The following NCOA2 variants were observed in gnomAD, a reference collection of about 807,000 sequenced individuals.
The protein encoded by NCOA2 is class E basic helix-loop-helix protein 75.
A neutral mutation model predicts 145.1 loss-of-function variants in NCOA2; 21 were observed. The ratio of observed to expected loss-of-function variants is 0.14; its 90% CI spans 0.10 to 0.21. The LOEUF is 0.21. Among genes scored for constraint, NCOA2 ranks in the 10% least tolerant of loss-of-function variants. NCOA2 has a pLI of 1.00. For synonymous variants in NCOA2, 619 were observed against 637.5 expected (o/e 0.97, Z 0.44); for missense variants, 1,472 against 1,837.6 (o/e 0.80, Z 3.64).
intron 22 of NCOA2, 136 bp downstream of exon 22, chr8:70,121,166 T>C: frequency 1.5e-6 from 1 of 689,338 alleles, no homozygotes; most frequent in South Asian, 1.8e-5. Context: ...AAGCACTGTA[T>C]GCCAGATGAA....
chr8:70,323,195 A>G (rs1806234182), intron 1 of NCOA2, among the ~76,000 whole-genome samples: 3 of 152,220 alleles, frequency 2.0e-5, no homozygotes, highest in Admixed American at 2.0e-4. Context: ...ATGTTCTAAA[A>G]AGTTGCATTC....
At position 70,113,326 on chromosome 8, in the gene NCOA2, CATGGGTATG is replaced by C; in HGVS notation, c.*297_*305del. ...ATACATTTAAATACATTCAATCTGA[CATGGGTATG>C]AAATTTGCCTGTCAACATTTACTTT... On this transcript the variant is annotated 3_prime_UTR_variant, in exon 23 of 23. Transcript: ENST00000452400. The C allele has an allele frequency of 2.0e-6, 1 of 487,952 alleles. No individual in the cohort carries two copies. Among genetic ancestry groups the C allele is most frequent in the Non-Finnish European group, 3.7e-6 (1 of 272,058 alleles). 30.2% of individuals were successfully genotyped at this position (487,952 alleles called of 1,614,324 possible).
chr8:70,118,303 T>A (rs975933234), intron 22 of NCOA2, among the ~76,000 whole-genome samples: 5 of 152,214 alleles, frequency 3.3e-5, no homozygotes, highest in Non-Finnish European at 7.3e-5. Context: ...CAATTATCAG[T>A]AACATCACTG....
At chr8:70,159,887 G>GT (rs982392065) in intron 9 of NCOA2, among the ~76,000 whole-genome samples, 45 of 152,280 alleles carry the variant, frequency 3.0e-4, no homozygotes, top group African/African-American at 1.1e-3. Context: ...ATGAAAAGGA[G>GT]TAAGAGCCTG....
At chr8:70,132,788 A>T (rs1437363941) in intron 15 of NCOA2, among the ~76,000 whole-genome samples, 1 of 151,586 alleles carries the variant, frequency 6.6e-6, no homozygotes, top group Non-Finnish European at 1.5e-5. Flanking sequence ...CTGGTCTTGA[A>T]CTCCTGAGCT....
At chr8:70,265,914 G>C (rs1171380925) in intron 2 of NCOA2, among the ~76,000 whole-genome samples, 1 of 152,116 alleles carries the variant, frequency 6.6e-6, no homozygotes, top group Non-Finnish European at 1.5e-5. Context: ...GGGAGGCTGA[G>C]GGATCACGAG....
chr8:70,181,256 G>A (rs1815444204), intron 4 of NCOA2, among the ~76,000 whole-genome samples: 2 of 152,150 alleles, frequency 1.3e-5, no homozygotes, highest in African/African-American at 4.8e-5. Context: ...TGATTACTTA[G>A]AAACCTAAAT....
intron 22 of NCOA2, among the ~76,000 whole-genome samples, chr8:70,115,953 G>A (rs1370974585): frequency 1.3e-5 from 2 of 152,028 alleles, no homozygotes; most frequent in Admixed American, 1.3e-4. Context: ...TTGGGAGGCC[G>A]AGGCAGGCAG....
intron 2 of NCOA2, among the ~76,000 whole-genome samples, chr8:70,218,556 C>G (rs754063584): frequency 6.6e-6 from 1 of 152,152 alleles, no homozygotes; most frequent in Non-Finnish European, 1.5e-5. Context: ...TGGAGACCAG[C>G]CTGAACAACG....
intron 7 of NCOA2, 45 bp from the exon 8 acceptor site, chr8:70,163,611 T>C (rs1813299672): frequency 2.1e-6 from 3 of 1,459,170 alleles, no homozygotes; most frequent in Non-Finnish European, 2.9e-6. Flanking sequence ...GCTTTTCTAG[T>C]GATTCAAACA....
chr8:70,129,489 C>A (rs1406355095), intron 16 of NCOA2, among the ~76,000 whole-genome samples: 1 of 152,128 alleles, frequency 6.6e-6, no homozygotes, highest in Non-Finnish European at 1.5e-5. Context: ...TTGCAATAAG[C>A]CCTATTCAGC....
chr8:70,402,959 C>G (rs1814483802), intron 1 of NCOA2, among the ~76,000 whole-genome samples: 3 of 145,448 alleles, frequency 2.1e-5, no homozygotes, highest in African/African-American at 2.5e-5. Context: ...TTCCCGTCCG[C>G]CCGCGGTGCT....
chr8:70,261,420 G>A (rs535011772), intron 2 of NCOA2, among the ~76,000 whole-genome samples: 2 of 151,886 alleles, frequency 1.3e-5, no homozygotes, highest in East Asian at 1.9e-4. Flanking sequence ...ATGGACACAG[G>A]AAGGGGAACA....
chr8:70,317,796 A>G (rs1287112503), intron 1 of NCOA2, among the ~76,000 whole-genome samples: 2 of 152,170 alleles, frequency 1.3e-5, no homozygotes, highest in East Asian at 3.9e-4. Context: ...ACAGTGGCTC[A>G]TACCTGTAAT....
At chr8:70,228,683 T>C (rs746798637) in intron 2 of NCOA2, among the ~76,000 whole-genome samples, 1 of 152,244 alleles carries the variant, frequency 6.6e-6, no homozygotes, top group Non-Finnish European at 1.5e-5. Context: ...TTATAAAAGC[T>C]ACACCTATGG....
chr8:70,113,237 A>G lies in NCOA2; in HGVS notation c.*395T>C, dbSNP rs769363061. On this transcript the variant is annotated 3_prime_UTR_variant, in exon 23 of 23. Coordinates refer to ENST00000452400, the MANE Select transcript of NCOA2 (RefSeq NM_006540.4). ...ACTAGACTGTTAGCCAGGGAAAACA[A>G]AGCAAGAAACCAGTGTCTGGAACCG... 21 of 264,986 alleles carry G rather than the reference A, an allele frequency of 7.9e-5. No individual in the cohort carries two copies. Among genetic ancestry groups the G allele is most frequent in the Non-Finnish European group, 1.1e-4 (16 of 139,740 alleles). 16.4% of individuals were successfully genotyped at this position (264,986 alleles called of 1,614,324 possible).
At chr8:70,159,887 G>T (rs1585892339) in intron 9 of NCOA2, among the ~76,000 whole-genome samples, 1 of 152,162 alleles carries the variant, frequency 6.6e-6, no homozygotes, top group Non-Finnish European at 1.5e-5. Context: ...ATGAAAAGGA[G>T]TAAGAGCCTG....
intron 1 of NCOA2, among the ~76,000 whole-genome samples, chr8:70,327,466 C>G (rs1038855849): frequency 4.6e-5 from 7 of 152,150 alleles, no homozygotes; most frequent in Non-Finnish European, 1.0e-4. Context: ...GCTTTAATTG[C>G]TTTAACTGAT....
rs763150293 is a variant in NCOA2, at chr8:70,159,242, AT to A, written c.1124+262del. 0.02 allele frequency among the ~76,000 whole-genome samples: 1,239 copies of A among 61,064 alleles called. 133 individuals carry two copies. In the East Asian group the frequency reaches 0.22, roughly 11 times the overall value. The allele number at this position is 61,064 out of a possible 152,430, so 40.1% of individuals were successfully genotyped here. On this transcript the variant is annotated intron_variant, in intron 10 of 22. Transcript: ENST00000452400. ...TAACATTATATATATATATATATAT[AT>A]TTTTTTTTTTTTCCCCCAAATATTT...
Sources: gnomAD v4.1 joint callset for allele counts (sites outside exome capture counted in the v4.1 genomes callset) on GRCh38, gnomAD v4.1.1 for gene constraint, MANE v1.5 for transcripts, NCBI Gene and HGNC (gene_info 2026-07-23, HGNC 2026-07-21) for gene names.